The following RALGAPB variants were observed in gnomAD, a reference collection of about 807,000 sequenced individuals.
The protein encoded by RALGAPB is ral GTPase-activating protein subunit beta.
Under a neutral mutation model 161.1 loss-of-function variants are expected in RALGAPB, and 25 were observed. That is an observed-to-expected ratio of 0.16 (90% CI 0.11 to 0.22). The LOEUF is 0.22. RALGAPB is among the 10% of genes least tolerant of loss of function. The pLI is 1.00. For missense variants in RALGAPB, 1,391 were observed against 1,815.2 expected, an observed-to-expected ratio of 0.77 and a Z score of 4.25; for synonymous variants, 629 against 626.1, an observed-to-expected ratio of 1.00 and a Z score of -0.07.
intron 5 of RALGAPB, among the ~76,000 whole-genome samples, chr20:38,508,353 C>T (rs2085830105): frequency 6.6e-6 from 1 of 151,864 alleles, no homozygotes; most frequent in South Asian, 2.1e-4. Flanking sequence ...ATCACTGATA[C>T]ACAAGTAGAA....
chr20:38,543,525 T>C (rs775612239), intron 18 of RALGAPB, among the ~76,000 whole-genome samples: 26 of 152,334 alleles, frequency 1.7e-4, no homozygotes, highest in Non-Finnish European at 2.5e-4. Context: ...ATCCTGCTGC[T>C]TGAATGATTG....
intron 22 of RALGAPB, among the ~76,000 whole-genome samples, chr20:38,555,251 T>G (rs1378737989): frequency 1.3e-5 from 2 of 152,228 alleles, no homozygotes; most frequent in Non-Finnish European, 2.9e-5. Flanking sequence ...AGAAGTTGCT[T>G]ATTGCATAAC....
At position 38,474,969 on chromosome 20, in the gene RALGAPB, G is replaced by A. The variant is rs147513726; in HGVS notation, c.-31+1900G>A. ...AGAGTTTTGTTCTTTTTGCTTAGGA[G>A]TGAGTATTCTAGTTATGTTCAGCAA... On this transcript the variant is annotated intron_variant, in intron 1 of 29. Transcript: ENST00000262879. Among the ~76,000 whole-genome samples the A allele has an allele frequency of 2.1e-3, 323 of 152,326 alleles. 1 individual carries two copies. Among genetic ancestry groups the A allele is most frequent in the African/African-American group, 7.3e-3 (304 of 41,564 alleles).
rs779702812 is a variant in RALGAPB at position 38,551,076 on chromosome 20, T to C, written c.3015T>C (p.Phe1005=). Reference sequence around the variant, plus strand: ...AATGTTACTTGTTTTAACAGCTTTTTGTACCTGAACCTCGCCCAGTTCCTA... The same window carrying C: ...AATGTTACTTGTTTTAACAGCTTTTCGTACCTGAACCTCGCCCAGTTCCTA... ...PRGAKANQKL[F]VPEPRPVPKN... is the part of the protein sequence containing the mutation. The change falls in exon 21 of 30, where the codon TTT becomes TTC. Residue 1005 remains phenylalanine (F), a synonymous_variant. Coordinates refer to ENST00000262879, the MANE Select transcript of RALGAPB (RefSeq NM_020336.4). 1.2e-6 allele frequency: 2 copies of C among 1,613,864 alleles called. No individual in the cohort carries two copies. The highest frequency in any genetic ancestry group is 1.7e-6 in the Non-Finnish European group (2 of 1,179,784).
chr20:38,514,107 A>G (rs1422389441), intron 6 of RALGAPB, among the ~76,000 whole-genome samples: 1 of 152,236 alleles, frequency 6.6e-6, no homozygotes, highest in African/African-American at 2.4e-5. Context: ...CAGGTGAGAA[A>G]AAGAGATTAT....
intron 6 of RALGAPB, among the ~76,000 whole-genome samples, chr20:38,511,859 G>A (rs914095817): frequency 5.3e-5 from 8 of 152,104 alleles, no homozygotes; most frequent in East Asian, 1.9e-4. Context: ...CCTCCTAGAC[G>A]GGGTGGCGGC....
rs761554877 is a variant in RALGAPB at position 38,535,062 on chromosome 20, G to A, written c.2246-12G>A. The A allele has an allele frequency of 6.2e-7, 1 of 1,613,254 alleles. No individual in the cohort carries two copies. The highest frequency in any genetic ancestry group is 8.5e-7 in the Non-Finnish European group (1 of 1,179,300). ...CCTCCCTGTGGGATGTGGCATTGGG[G>A]TTATATCCTAGCTCTTAATACAGAT... On this transcript the variant is annotated splice_polypyrimidine_tract_variant and intron_variant, in intron 15 of 29. Transcript: ENST00000262879.
At chr20:38,569,808 G>C (rs1319394157) in intron 26 of RALGAPB, 80 bp from the exon 27 acceptor site, 2 of 1,031,822 alleles carry the variant, frequency 1.9e-6, no homozygotes, top group East Asian at 4.9e-5. Flanking sequence ...CTTGACAAAT[G>C]AATGACTGGG....
chr20:38,509,085 G>T lies in RALGAPB; in HGVS notation c.749G>T (p.Arg250Leu). The change falls in exon 6 of 30, where the codon CGC becomes CTC. Residue 250 changes from arginine (R) to leucine (L), a missense_variant. By Grantham distance (102) the Arg-to-Leu change is moderately radical (BLOSUM62 -2). Coordinates refer to ENST00000262879, the MANE Select transcript of RALGAPB (RefSeq NM_020336.4). ...VICALTSRLL[R>L]FTYGPSFPAF... ...GTGCATTTATTTTCTAGATTGCTAC[G>T]CTTTACATATGGTCCTTCATTTCCT... is the stretch of plus-strand genomic sequence containing the variant. The T allele has an allele frequency of 6.2e-7, 1 of 1,613,480 alleles. No homozygotes were observed. The highest frequency in any genetic ancestry group is 8.5e-7 in the Non-Finnish European group (1 of 1,179,464).
At chr20:38,500,683 G>A (rs2085564674) in intron 5 of RALGAPB, among the ~76,000 whole-genome samples, 1 of 152,202 alleles carries the variant, frequency 6.6e-6, no homozygotes, top group Admixed American at 6.5e-5. Context: ...TGTGTTGAAA[G>A]CCAAAACAGG....
intron 25 of RALGAPB, among the ~76,000 whole-genome samples, chr20:38,566,269 CTGGAAGGTTGGACCTTCCA>C (rs1568983473): frequency 6.6e-6 from 1 of 152,154 alleles, no homozygotes; most frequent in Non-Finnish European, 1.5e-5. Context: ...GGCTGTGTTC[CTGGAAGGTTGGACCTTCCA>C]TGGTTTAGGT....
rs1341837089 is a variant in RALGAPB at position 38,493,030 on chromosome 20, C to G, written c.287C>G (p.Ala96Gly). ...GATGTATATACAGACTGGATTATGGCTTTAGTGTTGCCAAAAGATTCTATT... is the reference window on the plus strand; with the variant it reads ...GATGTATATACAGACTGGATTATGGGTTTAGTGTTGCCAAAAGATTCTATT... Reference protein sequence around the residue: ...CVDVYTDWIMALVLPKDSIPL... With the variant: ...CVDVYTDWIMGLVLPKDSIPL... The change falls in exon 3 of 30, where the codon GCT (alanine) becomes GGT (glycine). Residue 96 changes from alanine to glycine, a missense_variant. By Grantham distance (60) the Ala-to-Gly change is moderately conservative. Coordinates refer to ENST00000262879, the MANE Select transcript of RALGAPB (RefSeq NM_020336.4). 6.2e-7 allele frequency: 1 copy of G among 1,611,284 alleles called. No individual in the cohort carries two copies. Among genetic ancestry groups the G allele is most frequent in the Non-Finnish European group, 8.5e-7 (1 of 1,177,614 alleles).
In RALGAPB at chr20:38,574,939, A is replaced by C; in HGVS notation, c.4457A>C (p.Glu1486Ala). 1 of 1,613,734 alleles carries C rather than the reference A, an allele frequency of 6.2e-7. No homozygotes were observed. Among genetic ancestry groups the C allele is most frequent in the Non-Finnish European group, 8.5e-7 (1 of 1,179,610 alleles). Residue 1486 changes from glutamate (E) to alanine (A), a missense_variant, in exon 30 of 30, where the codon GAG becomes GCG. This residue lies in a region of RALGAPB where 436 missense variants were observed against 527.0 expected (regional missense o/e 0.83). Transcript: ENST00000262879. ...EPEFYTSLFQ[E>A]VGLKNCSS ...GAGTTTTATACTTCACTTTTCCAGGAGGTTGGACTCAAGAACTGCAGTTCT... is the reference window on the plus strand; with the variant it reads ...GAGTTTTATACTTCACTTTTCCAGGCGGTTGGACTCAAGAACTGCAGTTCT...
chr20:38,564,707 T>C (rs992459407), intron 24 of RALGAPB, among the ~76,000 whole-genome samples: 2 of 152,192 alleles, frequency 1.3e-5, no homozygotes, highest in African/African-American at 2.4e-5. Context: ...TGTACATTTT[T>C]ATACAGTGTC....
At chr20:38,546,705 T>A in intron 19 of RALGAPB, 1 of 375,404 alleles carries the variant, frequency 2.7e-6, no homozygotes, top group South Asian at 3.6e-5. Flanking sequence ...GTTGTTTATC[T>A]TTGTCACTTT....
chr20:38,531,323 G>T, intron 14 of RALGAPB, 92 bp downstream of exon 14: 1 of 1,132,154 alleles, frequency 8.8e-7, no homozygotes, highest in Non-Finnish European at 1.3e-6. Flanking sequence ...GAATTTTAAA[G>T]GCCTTTGGTT....
At position 38,567,129 on chromosome 20, in the gene RALGAPB, A is replaced by T; in HGVS notation, c.3851A>T (p.Asp1284Val). Reference protein sequence around the residue: ...DSLESNISDQDSDSNMDLMPG... With the variant: ...DSLESNISDQVSDSNMDLMPG... Reference sequence around the variant, plus strand: ...TTGGAAAGTAACATCTCGGACCAAGATAGTGATTCAAATATGGATCTTATG... The same window carrying T: ...TTGGAAAGTAACATCTCGGACCAAGTTAGTGATTCAAATATGGATCTTATG... Residue 1284 changes from aspartate to valine, a missense_variant, in exon 26 of 30, where the codon GAT becomes GTT. By Grantham distance (152) the Asp-to-Val change is radical. Transcript: ENST00000262879. The T allele has an allele frequency of 6.2e-7, 1 of 1,613,646 alleles. No individual in the cohort carries two copies.
At chr20:38,510,480 G>C (rs1164701788) in intron 6 of RALGAPB, among the ~76,000 whole-genome samples, 3 of 151,902 alleles carry the variant, frequency 2.0e-5, no homozygotes, top group African/African-American at 4.8e-5. Context: ...TAACATTTCA[G>C]ATCAATTTTA....
intron 21 of RALGAPB, 123 bp downstream of exon 21, chr20:38,551,346 C>T: frequency 3.6e-6 from 4 of 1,111,828 alleles, no homozygotes; most frequent in Non-Finnish European, 5.2e-6. Context: ...GGGCCTCCAT[C>T]ATCCAGGAGG....
Sources: gnomAD v4.1 joint callset for allele counts (sites outside exome capture counted in the v4.1 genomes callset) on GRCh38, gnomAD v4.1.1 for gene constraint, gnomAD v4.1.1 regional missense constraint, MANE v1.5 for transcripts, NCBI Gene and HGNC (gene_info 2026-07-23, HGNC 2026-07-21) for gene names.